CADM1: variants seen among roughly 807,000 people sequenced by gnomAD.
CADM1 encodes the protein TSLC-1.
CADM1 carries 15 observed loss-of-function variants against 53.1 expected under a neutral mutation model. The ratio of observed to expected loss-of-function variants is 0.28; its 90% CI spans 0.19 to 0.44. The LOEUF (loss-of-function observed/expected upper bound fraction) is 0.44. CADM1 is among the 20% of genes least tolerant of loss of function. The pLI is 1.00. For synonymous variants in CADM1, 281 were observed against 243.0 expected (o/e 1.16, Z -1.45); for missense variants, 434 against 611.3 (o/e 0.71, Z 3.06).
intron 9 of CADM1, among the ~76,000 whole-genome samples, chr11:115,192,901 A>G (rs1702811568): frequency 6.6e-6 from 1 of 152,236 alleles, no homozygotes; most frequent in South Asian, 2.1e-4. Context: ...TCTGGAATCT[A>G]CTGCTCGGAT....
chr11:115,176,455 T>C lies in CADM1; in HGVS notation c.*19A>G, dbSNP rs1016177527. On this transcript the variant is annotated 3_prime_UTR_variant, in exon 12 of 12. Coordinates refer to ENST00000331581, the MANE Select transcript of CADM1 (RefSeq NM_001301043.2). ...TAAATAGGGCCAGTTGGACACCTCA[T>C]TGAAACAAAAAGGCTGATCTAGATG... The C allele has an allele frequency of 3.7e-6, 6 of 1,613,252 alleles. No individual in the cohort carries two copies. The highest frequency in any genetic ancestry group is 2.7e-5 in the African/African-American group (2 of 74,904).
intron 1 of CADM1, among the ~76,000 whole-genome samples, chr11:115,465,317 T>G (rs753838649): frequency 5.9e-5 from 9 of 152,158 alleles, no homozygotes; most frequent in African/African-American, 1.7e-4. Flanking sequence ...GCTAGTCTCA[T>G]TATATCCTAG....
rs1006919216 is a variant in CADM1 at position 115,191,482 on chromosome 11, A to AT, written c.1112-542dup. On this transcript the variant is annotated intron_variant, in intron 9 of 11. Coordinates refer to ENST00000331581, the MANE Select transcript of CADM1 (RefSeq NM_001301043.2). The stretch of plus-strand genomic sequence containing the variant: ...ATCAGAAAATCTGATTCGCAAAATG[A>AT]TTTTTTTAAAAAAGAGAATTTCATA... Among the ~76,000 whole-genome samples the AT allele has an allele frequency of 7.2e-5, 11 of 152,330 alleles. No homozygotes were observed. In the East Asian group the frequency reaches 1.5e-3, roughly 21 times the overall value.
chr11:115,277,505 G>A (rs1156425986), intron 1 of CADM1, among the ~76,000 whole-genome samples: 6 of 152,038 alleles, frequency 3.9e-5, no homozygotes, highest in African/African-American at 1.2e-4. Context: ...TCCCTTCATC[G>A]AATTCAGAGA....
intron 4 of CADM1, 120 bp downstream of exon 4, chr11:115,231,233 A>G: frequency 8.9e-7 from 1 of 1,123,542 alleles, no homozygotes; most frequent in East Asian, 2.4e-5. Context: ...CTGATTATAA[A>G]CCATATCTAA....
chr11:115,406,286 A>G (rs923122046), intron 1 of CADM1, among the ~76,000 whole-genome samples: 4 of 151,998 alleles, frequency 2.6e-5, no homozygotes, highest in Admixed American at 2.6e-4. Context: ...TTTTAACCAA[A>G]TCCCTCTGGA....
rs1237569605 is a variant in CADM1 at position 115,229,083 on chromosome 11, G to A, written c.721+30C>T. On this transcript the variant is annotated intron_variant, in intron 5 of 11. Transcript: ENST00000331581. ...AGTTTCTATGTAACTGCAACTCTAC[G>A]CCCTCAGAATAAGATACCAGGGTAC... is the stretch of plus-strand genomic sequence containing the variant. The A allele has an allele frequency of 4.3e-6, 7 of 1,611,144 alleles. No individual in the cohort carries two copies. In the South Asian group the frequency reaches 5.5e-5, roughly 13 times the overall value.
chr11:115,241,602 G>A (rs774149500), intron 1 of CADM1, among the ~76,000 whole-genome samples: 9 of 152,180 alleles, frequency 5.9e-5, no homozygotes, highest in Non-Finnish European at 1.0e-4. Context: ...GATGAAAAAG[G>A]ATAATAAATA....
rs1938748594 is a variant in CADM1 at position 115,170,338 on chromosome 11, T to A, written c.*6136A>T. On this transcript the variant is annotated 3_prime_UTR_variant, in exon 12 of 12. Transcript: ENST00000331581. ...GTGAGAGAAAAAGCAGTAGACAATG[T>A]CAGGTTCCTTGTTGGAATACATTCT... 1 of 152,190 alleles carries A rather than the reference T, an allele frequency of 6.6e-6. No individual in the cohort carries two copies. Among genetic ancestry groups the A allele is most frequent in the Non-Finnish European group, 1.5e-5 (1 of 68,072 alleles). 9.4% of individuals were successfully genotyped at this position (152,190 alleles called of 1,614,324 possible). A position where few individuals can be genotyped will look rare whatever the true frequency, so the allele number is the denominator to read the frequency against.
At chr11:115,424,398 GA>G (rs1947835414) in intron 1 of CADM1, among the ~76,000 whole-genome samples, 1 of 152,174 alleles carries the variant, frequency 6.6e-6, no homozygotes, top group South Asian at 2.1e-4. Flanking sequence ...TATTTTGGTA[GA>G]ATTCTCAGTT....
intron 1 of CADM1, among the ~76,000 whole-genome samples, chr11:115,495,021 T>C (rs1194950707): frequency 1.3e-5 from 2 of 152,188 alleles, no homozygotes; most frequent in South Asian, 4.1e-4. Flanking sequence ...CTCTTCACAA[T>C]GAAGTTTGCT....
intron 1 of CADM1, among the ~76,000 whole-genome samples, chr11:115,396,129 T>C (rs923510744): frequency 2.6e-5 from 4 of 152,216 alleles, no homozygotes; most frequent in African/African-American, 9.6e-5. Context: ...AATGCTAACG[T>C]GCTATGAGCA....
In CADM1 at chr11:115,178,191, T is replaced by G. The variant is rs45445298; in HGVS notation, c.1297+453A>C. 1.7e-3 allele frequency among the ~76,000 whole-genome samples: 257 copies of G among 152,316 alleles called. 1 individual carries two copies. The highest frequency in any genetic ancestry group is 3.0e-3 in the Non-Finnish European group (201 of 68,026). ...CTGGGCACATCAAACCAAGGCAGTC[T>G]TCTCGCCATTGTGACCAGCTTACAC... On this transcript the variant is annotated intron_variant, in intron 11 of 11. Coordinates refer to ENST00000331581, the MANE Select transcript of CADM1 (RefSeq NM_001301043.2).
At chr11:115,400,224 C>T (rs909724600) in intron 1 of CADM1, among the ~76,000 whole-genome samples, 5 of 151,980 alleles carry the variant, frequency 3.3e-5, no homozygotes, top group Admixed American at 1.3e-4. Flanking sequence ...AAACAGTGTA[C>T]GTGTGTGTCT....
Position 115,382,018 on chromosome 11 carries a change from T to C in CADM1, c.124+122253A>G, listed in dbSNP as rs192368674. 2.8e-3 allele frequency among the ~76,000 whole-genome samples: 421 copies of C among 152,242 alleles called. 1 individual carries two copies. The highest frequency in any genetic ancestry group is 5.0e-3 in the Non-Finnish European group (338 of 68,020). On this transcript the variant is annotated intron_variant, in intron 1 of 11. Transcript: ENST00000331581. ...CGCCACCACACCGGGCTAGTTTTTG[T>C]ATTTTTAGTAGAGACAGGGTTTCAC...
At chr11:115,337,157 G>A (rs1171946397) in intron 1 of CADM1, among the ~76,000 whole-genome samples, 1 of 152,064 alleles carries the variant, frequency 6.6e-6, no homozygotes, top group African/African-American at 2.4e-5. Context: ...TTAATTCCCG[G>A]CTCTTTCAGG....
At chr11:115,289,640 G>C (rs1458524034) in intron 1 of CADM1, among the ~76,000 whole-genome samples, 1 of 143,832 alleles carries the variant, frequency 7.0e-6, no homozygotes, top group Non-Finnish European at 1.5e-5. Flanking sequence ...CTGTCGCCCA[G>C]GCTGGAGTGC....
chr11:115,220,222 T>C (rs1368534069), intron 5 of CADM1, among the ~76,000 whole-genome samples: 1 of 152,094 alleles, frequency 6.6e-6, no homozygotes, highest in Non-Finnish European at 1.5e-5. Context: ...TTCAGCATAG[T>C]GCACTAAGGA....
rs1591574571 is a variant in CADM1 at position 115,176,450 on chromosome 11, C to A, written c.*24G>T. Reference sequence around the variant, plus strand: ...TCATCTAAATAGGGCCAGTTGGACACCTCATTGAAACAAAAAGGCTGATCT... The same window carrying A: ...TCATCTAAATAGGGCCAGTTGGACAACTCATTGAAACAAAAAGGCTGATCT... On this transcript the variant is annotated 3_prime_UTR_variant, in exon 12 of 12. Coordinates refer to ENST00000331581, the MANE Select transcript of CADM1 (RefSeq NM_001301043.2). 7 of 1,613,096 alleles carry A rather than the reference C, an allele frequency of 4.3e-6. No individual in the cohort carries two copies. Among genetic ancestry groups the A allele is most frequent in the East Asian group, 4.5e-5 (2 of 44,848 alleles).
Sources: allele counts gnomAD v4.1 joint callset (sites outside exome capture counted in the v4.1 genomes callset), GRCh38; gene constraint gnomAD v4.1.1; transcripts MANE v1.5; gene names NCBI Gene and HGNC (gene_info 2026-07-23, HGNC 2026-07-21).